The following FKTN variants were observed in gnomAD, a reference collection of about 807,000 sequenced individuals.
The protein encoded by FKTN is ribitol-5-phosphate transferase FKTN.
A neutral mutation model predicts 58.6 loss-of-function variants in FKTN; 47 were observed. The observed-to-expected ratio is 0.80, with a 90% CI of 0.63 to 1.02. The LOEUF (loss-of-function observed/expected upper bound fraction) is 1.02, where lower values mean the gene tolerates loss of function less well. Among genes scored for constraint, FKTN ranks in the 50% least tolerant of loss-of-function variants. FKTN has a pLI of 0.00. For synonymous variants in FKTN, 178 were observed against 191.9 expected, an observed-to-expected ratio of 0.93 and a Z score of 0.60; for missense variants, 516 against 537.3, an observed-to-expected ratio of 0.96 and a Z score of 0.39.
chr9:105,564,961 T>C (rs1297270456), intron 1 of FKTN, among the ~76,000 whole-genome samples: 1 of 152,120 alleles, frequency 6.6e-6, no homozygotes, highest in African/African-American at 2.4e-5. Context: ...CGGCAGGAAC[T>C]CTACAAGCCA....
At chr9:105,571,666 G>T (rs1840756646) in intron 1 of FKTN, among the ~76,000 whole-genome samples, 1 of 152,118 alleles carries the variant, frequency 6.6e-6, no homozygotes, top group Admixed American at 6.5e-5. Flanking sequence ...CCTACTCTGA[G>T]TGCCACTTTA....
chr9:105,620,775 A>ATAGTAGTGG (rs1554761925), intron 10 of FKTN, among the ~76,000 whole-genome samples: 2 of 145,394 alleles, frequency 1.4e-5, no homozygotes, highest in African/African-American at 5.1e-5. Context: ...TAATACTACT[A>ATAGTAGTGG]TAGTAGTAGT....
At chr9:105,630,314 T>A (rs1833258717) in intron 10 of FKTN, among the ~76,000 whole-genome samples, 1 of 152,172 alleles carries the variant, frequency 6.6e-6, no homozygotes, top group African/African-American at 2.4e-5. Context: ...ATAAATGTGA[T>A]CATTAGTTAA....
In FKTN at chr9:105,604,207, G is replaced by C; in HGVS notation, c.370-8G>C. ...GTTTCTTGATGTTTGATGCTTCTTT[G>C]GTTCTAGGAAGGCTGGTTTCGGATA... On this transcript the variant is annotated splice_polypyrimidine_tract_variant and splice_region_variant and intron_variant, in intron 5 of 10. Transcript: ENST00000357998. 1 of 1,611,954 alleles carries C rather than the reference G, an allele frequency of 6.2e-7. No homozygotes were observed.
At chr9:105,566,013 A>C (rs376939604) in intron 1 of FKTN, among the ~76,000 whole-genome samples, 207 of 152,236 alleles carry the variant, frequency 1.4e-3, no homozygotes, top group African/African-American at 4.2e-3. Flanking sequence ...AACCGCTCAA[A>C]TACATGGAAA....
intron 1 of FKTN, among the ~76,000 whole-genome samples, chr9:105,572,198 G>T (rs955952315): frequency 4.0e-5 from 6 of 150,436 alleles, no homozygotes; most frequent in African/African-American, 1.5e-4. Context: ...ATCACTATTG[G>T]TATTATTTCT....
At chr9:105,563,085 G>A (rs1490285970) in intron 1 of FKTN, among the ~76,000 whole-genome samples, 1 of 152,184 alleles carries the variant, frequency 6.6e-6, no homozygotes, top group Non-Finnish European at 1.5e-5. Flanking sequence ...AGGTGTCAGG[G>A]TAAACCAGTT....
intron 6 of FKTN, among the ~76,000 whole-genome samples, chr9:105,607,163 G>A (rs1367755208): frequency 6.6e-6 from 1 of 151,972 alleles, no homozygotes; most frequent in Non-Finnish European, 1.5e-5. Flanking sequence ...TTTTATATGA[G>A]TAGGAATGGA....
intron 3 of FKTN, among the ~76,000 whole-genome samples, chr9:105,590,187 G>T (rs939047492): frequency 2.0e-5 from 3 of 152,020 alleles, no homozygotes; most frequent in Non-Finnish European, 4.4e-5. Flanking sequence ...GAATCATGGG[G>T]GTGGCTTCCC....
In FKTN at chr9:105,626,629, G is replaced by C. The variant is rs191935776; in HGVS notation, c.1172+6568G>C. ...TAAAGTTTGGGATTGCTTGGTCGTA[G>C]GGTATTCTTGTGTTCAATTTCAGCA... On this transcript the variant is annotated intron_variant, in intron 10 of 10. Coordinates refer to ENST00000357998, the MANE Select transcript of FKTN (RefSeq NM_001079802.2). 1.5e-3 allele frequency among the ~76,000 whole-genome samples: 222 copies of C among 152,282 alleles called. 1 individual carries two copies. The highest frequency in any genetic ancestry group is 4.4e-3 in the Admixed American group (68 of 15,298).
At chr9:105,559,806 G>A (rs555726498) in intron 1 of FKTN, among the ~76,000 whole-genome samples, 51 of 152,304 alleles carry the variant, frequency 3.3e-4, no homozygotes, top group Non-Finnish European at 6.2e-4. Context: ...TCTCTCACAG[G>A]TGGTAGTTAA....
intron 1 of FKTN, among the ~76,000 whole-genome samples, chr9:105,564,492 A>T (rs1241255883): frequency 6.6e-6 from 1 of 152,234 alleles, no homozygotes; most frequent in Admixed American, 6.5e-5. Context: ...CGAGAACTAC[A>T]TGAAGAATGC....
intron 3 of FKTN, among the ~76,000 whole-genome samples, chr9:105,583,069 A>C (rs1446041411): frequency 6.6e-6 from 1 of 152,204 alleles, no homozygotes; most frequent in East Asian, 1.9e-4. Flanking sequence ...AATCTGGGGA[A>C]GTAAGGTTTT....
chr9:105,619,909 G>A (rs1831544817), intron 9 of FKTN, 25 bp from the exon 10 acceptor site: 4 of 1,600,554 alleles, frequency 2.5e-6, no homozygotes, highest in Admixed American at 1.7e-5. Flanking sequence ...GTTTCAGTGT[G>A]TGAAGGTTTT....
At chr9:105,619,847 G>T in intron 9 of FKTN, 87 bp from the exon 10 acceptor site, 1 of 1,250,740 alleles carries the variant, frequency 8.0e-7, no homozygotes, top group African/African-American at 1.5e-5. Context: ...TTAAGAATCT[G>T]TTTCTTTATT....
intron 6 of FKTN, among the ~76,000 whole-genome samples, 170 bp downstream of exon 6, chr9:105,604,662 A>G (rs1828536391): frequency 2.0e-5 from 3 of 152,204 alleles, no homozygotes; most frequent in African/African-American, 7.2e-5. Context: ...TCCTTCAACA[A>G]TAAAAGGATT....
intron 1 of FKTN, among the ~76,000 whole-genome samples, chr9:105,559,653 C>T (rs1031620942): frequency 8.6e-5 from 13 of 151,068 alleles, no homozygotes; most frequent in South Asian, 4.2e-4. Context: ...CACTGCACTC[C>T]GGCCTGGGCA....
intron 7 of FKTN, among the ~76,000 whole-genome samples, chr9:105,613,383 G>A (rs976414122): frequency 6.6e-6 from 1 of 152,206 alleles, no homozygotes; most frequent in African/African-American, 2.4e-5. Context: ...TGTATATTCT[G>A]TAGACAGTGA....
chr9:105,611,489 T>C (rs1829899479), intron 7 of FKTN, among the ~76,000 whole-genome samples: 1 of 152,160 alleles, frequency 6.6e-6, no homozygotes, highest in Non-Finnish European at 1.5e-5. Context: ...TTATTTTTCC[T>C]GGTCCTCTTT....
Sources: gnomAD v4.1 joint callset for allele counts (sites outside exome capture counted in the v4.1 genomes callset) on GRCh38, gnomAD v4.1.1 for gene constraint, MANE v1.5 for transcripts, NCBI Gene and HGNC (gene_info 2026-07-23, HGNC 2026-07-21) for gene names.